HMGCLL1: variants seen among roughly 807,000 people sequenced by gnomAD.
HMGCLL1 encodes 3-hydroxymethyl-3-methylglutaryl-CoA lyase, cytoplasmic.
HMGCLL1 carries 36 observed loss-of-function variants against 39.1 expected under a neutral mutation model. The ratio of observed to expected loss-of-function variants is 0.92; its 90% confidence interval spans 0.71 to 1.22. The LOEUF (loss-of-function observed/expected upper bound fraction) is 1.22, where lower values mean the gene tolerates loss of function less well. HMGCLL1 is among the 50% of genes most tolerant of loss of function. The pLI is 0.00. For synonymous variants in HMGCLL1, 149 were observed against 144.0 expected, an observed-to-expected ratio of 1.03 and a Z score of -0.25; for missense variants, 451 against 416.5, an observed-to-expected ratio of 1.08 and a Z score of -0.72.
chr6:55,579,223 T>G (rs377051601), upstream of HMGCLL1: 259 of 610,558 alleles, frequency 4.2e-4, 2 homozygotes, highest in East Asian at 5.7e-3. Context: ...GGGCGGGGAG[T>G]GGGGCGTGGC....
At chr6:55,460,618 A>T (rs533603815) in intron 7 of HMGCLL1, among the ~76,000 whole-genome samples, 1 of 151,970 alleles carries the variant, frequency 6.6e-6, no homozygotes, top group Non-Finnish European at 1.5e-5. Flanking sequence ...TGAAGAAAAC[A>T]TAATATCCTA....
chr6:55,440,633 T>C (rs538816205), intron 7 of HMGCLL1, among the ~76,000 whole-genome samples: 11 of 152,200 alleles, frequency 7.2e-5, no homozygotes, highest in African/African-American at 2.4e-4. Flanking sequence ...TCTTCACTCT[T>C]GGGCATTAAA....
At chr6:55,642,403 G>T in the HMGCLL1 span, among the ~76,000 whole-genome samples, 1 of 152,012 alleles carries the variant, frequency 6.6e-6, no homozygotes, top group Non-Finnish European at 1.5e-5. Flanking sequence ...TTAATGGACT[G>T]ATTAACAATA....
At position 55,435,549 on chromosome 6, in the gene HMGCLL1, T is replaced by TC. The variant is rs141031166; in HGVS notation, c.*112dup. 11,320 of 514,618 alleles carry TC rather than the reference T, an allele frequency of 0.022. 946 individuals are homozygous for TC. Among genetic ancestry groups the TC allele is most frequent in the African/African-American group, 0.19 (9,666 of 50,868 alleles). 31.9% of individuals were successfully genotyped at this position (514,618 alleles called of 1,614,324 possible). On this transcript the variant is annotated 3_prime_UTR_variant, in exon 9 of 9. Transcript: ENST00000274901. The stretch of plus-strand genomic sequence containing the variant: ...ATCTTTTTGAAAAGGATCTCTTTTT[T>TC]CCCACTCTTGTCCATTACTTCACAT...
rs1763344751 is a variant in HMGCLL1, at chr6:55,435,762, C to T, written c.923G>A (p.Gly308Asp). Reference sequence around the variant, plus strand: ...TTCCATCACTTTGTATAGATTCACACCCTGGTGACGAAATGAAGGAATATC... The same window carrying T: ...TTCCATCACTTTGTATAGATTCACATCCTGGTGACGAAATGAAGGAATATC... The part of the protein sequence containing the change: ...YMLNGLGLNT[G>D]VNLYKVMEAG... The change falls in exon 9 of 9, where the codon GGT becomes GAT. Residue 308 changes from glycine (G) to aspartate (D), a missense_variant and splice_region_variant. Coordinates refer to ENST00000274901, the MANE Select transcript of HMGCLL1 (RefSeq NM_001042406.2). The T allele has an allele frequency of 6.5e-7, 1 of 1,539,816 alleles. No homozygotes were observed. Among genetic ancestry groups the T allele is most frequent in the African/African-American group, 1.4e-5 (1 of 72,432 alleles).
At chr6:55,519,969 T>G (rs1008850973) in intron 3 of HMGCLL1, among the ~76,000 whole-genome samples, 1 of 151,952 alleles carries the variant, frequency 6.6e-6, no homozygotes, top group Non-Finnish European at 1.5e-5. Context: ...AACAATAATT[T>G]TTTTAAATAG....
At chr6:55,639,559 C>G in the HMGCLL1 span, among the ~76,000 whole-genome samples, 4 of 151,956 alleles carry the variant, frequency 2.6e-5, no homozygotes, top group African/African-American at 9.6e-5. Flanking sequence ...TATGAAAGAG[C>G]ATATCATAAA....
the HMGCLL1 span, among the ~76,000 whole-genome samples, chr6:55,646,335 A>G: frequency 5.9e-5 from 9 of 151,502 alleles, no homozygotes; most frequent in East Asian, 3.9e-4. Context: ...TATCTTTTCA[A>G]CAAACTTTTT....
chr6:55,619,256 A>G, the HMGCLL1 span, among the ~76,000 whole-genome samples: 1 of 152,118 alleles, frequency 6.6e-6, no homozygotes, highest in Non-Finnish European at 1.5e-5. Flanking sequence ...AGTTGAATAC[A>G]TGTGAAATTG....
chr6:55,678,643 CAAACAAAA>C, the HMGCLL1 span, among the ~76,000 whole-genome samples: 4 of 151,884 alleles, frequency 2.6e-5, no homozygotes, highest in East Asian at 7.7e-4. Context: ...CAAAAACAAA[CAAACAAAA>C]AAACTAGTTT....
At chr6:55,438,940 T>C (rs1296548752) in intron 8 of HMGCLL1, among the ~76,000 whole-genome samples, 1 of 152,066 alleles carries the variant, frequency 6.6e-6, no homozygotes, top group Non-Finnish European at 1.5e-5. Context: ...AAAGAGACTA[T>C]TCTTGCCATC....
At chr6:55,586,449 G>C in the HMGCLL1 span, among the ~76,000 whole-genome samples, 1 of 151,834 alleles carries the variant, frequency 6.6e-6, no homozygotes, top group East Asian at 1.9e-4. Context: ...CAATGAGCAG[G>C]TTTGTTACAT....
chr6:55,514,933 T>C (rs1289175016), intron 4 of HMGCLL1, among the ~76,000 whole-genome samples: 1 of 152,132 alleles, frequency 6.6e-6, no homozygotes, highest in Non-Finnish European at 1.5e-5. Flanking sequence ...TTGCCTACGT[T>C]CTCCCCTCTT....
chr6:55,553,155 CTCTCTA>C lies in HMGCLL1; in HGVS notation c.109-11021_109-11016del, dbSNP rs1405586497. Among the ~76,000 whole-genome samples, 419 of 90,228 alleles carry C rather than the reference CTCTCTA, an allele frequency of 4.6e-3. 2 individuals are homozygous for C. Among genetic ancestry groups the C allele is most frequent in the African/African-American group, 0.015 (399 of 26,978 alleles). The allele number at this position is 90,228 out of a possible 152,430, so 59.2% of individuals were successfully genotyped here. A position where few individuals can be genotyped will look rare whatever the true frequency, so the allele number is the denominator to read the frequency against. On this transcript the variant is annotated intron_variant, in intron 1 of 8. Coordinates refer to ENST00000274901, the MANE Select transcript of HMGCLL1 (RefSeq NM_001042406.2). ...CAAAACTCCATCTCTCTCTCTCTCT[CTCTCTA>C]TATATATATATATACATACACACAC...
At chr6:55,446,612 A>G (rs1763851635) in intron 7 of HMGCLL1, among the ~76,000 whole-genome samples, 1 of 151,944 alleles carries the variant, frequency 6.6e-6, no homozygotes, top group Admixed American at 6.6e-5. Flanking sequence ...TTCTAATCTT[A>G]GGTGAGCTCT....
chr6:55,644,899 A>G, the HMGCLL1 span, among the ~76,000 whole-genome samples: 1 of 151,986 alleles, frequency 6.6e-6, no homozygotes, highest in East Asian at 1.9e-4. Flanking sequence ...GTGACTCCAC[A>G]TATGTTTTAA....
intron 7 of HMGCLL1, among the ~76,000 whole-genome samples, chr6:55,458,227 G>T (rs546204775): frequency 2.0e-5 from 3 of 152,092 alleles, no homozygotes; most frequent in African/African-American, 4.8e-5. Context: ...TCATTGAACA[G>T]ATATTTATTG....
intron 1 of HMGCLL1, among the ~76,000 whole-genome samples, chr6:55,550,177 G>A (rs1770249660): frequency 6.6e-6 from 1 of 151,910 alleles, no homozygotes; most frequent in Non-Finnish European, 1.5e-5. Flanking sequence ...CCATATCCTA[G>A]TGAAGTTAGG....
intron 5 of HMGCLL1, among the ~76,000 whole-genome samples, chr6:55,504,437 ATATTT>A (rs1767051814): frequency 6.6e-6 from 1 of 151,648 alleles, no homozygotes. Context: ...ATTTTCATAC[ATATTT>A]TATTTTCCCA....
Sources: allele counts gnomAD v4.1 joint callset (sites outside exome capture counted in the v4.1 genomes callset), GRCh38; gene constraint gnomAD v4.1.1; transcripts MANE v1.5; gene names NCBI Gene and HGNC (gene_info 2026-07-23, HGNC 2026-07-21).